The following EDA variants were observed in gnomAD, a reference collection of about 807,000 sequenced individuals.
EDA encodes ectodysplasin-A.
In EDA, 2 loss-of-function variants were observed where a neutral mutation model predicts 23.6. The ratio of observed to expected loss-of-function variants is 0.08; its 90% CI spans 0.03 to 0.27. The LOEUF is 0.27. Among genes scored for constraint, EDA ranks in the 10% least tolerant of loss-of-function variants. The probability of loss-of-function intolerance (pLI) is 1.00; values close to 1 mark genes in which losing one functional copy is unlikely to be tolerated. For synonymous variants in EDA, 131 were observed against 132.0 expected (o/e 0.99, Z 0.05); for missense variants, 229 against 324.2 (o/e 0.71, Z 2.26).
chrX:69,984,043 G>A (rs1310341392), intron 2 of EDA, among the ~76,000 whole-genome samples: 2 of 92,121 alleles, frequency 2.2e-5, no homozygotes, highest in South Asian at 6.1e-4. Context: ...CGAAATGAAG[G>A]CAGACATAAA....
intron 1 of EDA, among the ~76,000 whole-genome samples, chrX:69,749,014 T>C (rs1274898987): frequency 9.8e-6 from 1 of 102,236 alleles, no homozygotes; most frequent in Non-Finnish European, 2.0e-5. Context: ...TGTATACATG[T>C]GCCATGCTGG....
chrX:69,869,207 G>T (rs2017529488), intron 1 of EDA, among the ~76,000 whole-genome samples: 1 of 111,035 alleles, frequency 9.0e-6, no homozygotes, highest in African/African-American at 3.3e-5. Context: ...ATGCATTCTG[G>T]CACTGAGGAA....
At chrX:69,805,934 T>C (rs892664849) in intron 1 of EDA, among the ~76,000 whole-genome samples, 2 of 112,027 alleles carry the variant, frequency 1.8e-5, no homozygotes, top group Admixed American at 9.5e-5. Context: ...ATTTAGGTTA[T>C]AGCATGTCTG....
At chrX:69,689,215 TTTA>T (rs1934632412) in intron 1 of EDA, among the ~76,000 whole-genome samples, 1 of 110,569 alleles carries the variant, frequency 9.0e-6, no homozygotes, top group Non-Finnish European at 1.9e-5. Context: ...CTTCTTTTTT[TTTA>T]TTTATTATTA....
intron 2 of EDA, among the ~76,000 whole-genome samples, chrX:69,971,707 T>A (rs901292763): frequency 9.0e-5 from 10 of 110,860 alleles, no homozygotes; most frequent in African/African-American, 1.3e-4. Context: ...TACTTATAAT[T>A]TCTAGGCCTT....
At chrX:70,019,555 A>G (rs1257483944) in intron 2 of EDA, among the ~76,000 whole-genome samples, 1 of 111,581 alleles carries the variant, frequency 9.0e-6, no homozygotes, top group Non-Finnish European at 1.9e-5. Context: ...ATGGAATAAT[A>G]TGCAGCCATA....
chrX:69,969,827 AG>A (rs2019224093), intron 2 of EDA, among the ~76,000 whole-genome samples: 1 of 111,701 alleles, frequency 9.0e-6, no homozygotes, highest in Non-Finnish European at 1.9e-5. Context: ...GAACAAGGCC[AG>A]GTGTGGTGGC....
At chrX:69,628,297 G>A (rs1007568467) in intron 1 of EDA, among the ~76,000 whole-genome samples, 1 of 111,571 alleles carries the variant, frequency 9.0e-6, no homozygotes, top group Non-Finnish European at 1.9e-5. Context: ...TAGTCTAAAT[G>A]TTGGGGAAAC....
chrX:69,805,104 G>T (rs1405472335), intron 1 of EDA, among the ~76,000 whole-genome samples: 1 of 111,433 alleles, frequency 9.0e-6, no homozygotes, highest in Non-Finnish European at 1.9e-5. Context: ...TTCTGGGAGT[G>T]CTTAGAGGTG....
At chrX:70,029,464 A>G in intron 4 of EDA, 40 bp from the exon 5 acceptor site, 1 of 1,208,275 alleles carries the variant, frequency 8.3e-7, no homozygotes, top group Non-Finnish European at 1.1e-6. Flanking sequence ...AAAGGAAGTC[A>G]AAAGATTATG....
At chrX:69,708,549 A>G (rs2011831415) in intron 1 of EDA, among the ~76,000 whole-genome samples, 1 of 111,456 alleles carries the variant, frequency 9.0e-6, no homozygotes, top group Non-Finnish European at 1.9e-5. Flanking sequence ...TATAAAGTGA[A>G]TGAAGCTTAA....
At chrX:69,745,577 GAA>G (rs112984691) in intron 1 of EDA, among the ~76,000 whole-genome samples, 1,811 of 111,819 alleles carry the variant, frequency 0.016, 41 homozygotes, top group African/African-American at 0.056. Flanking sequence ...TGCTCGTTAA[GAA>G]AAAAGAGACC....
intron 1 of EDA, among the ~76,000 whole-genome samples, chrX:69,841,721 G>A (rs2016899500): frequency 9.0e-6 from 1 of 111,459 alleles, no homozygotes; most frequent in African/African-American, 3.3e-5. Flanking sequence ...AAATAGTAAG[G>A]GACCTAAGTT....
In EDA at chrX:69,752,137, A is replaced by G. The variant is rs555058784; in HGVS notation, c.396+135433A>G. On this transcript the variant is annotated intron_variant, in intron 1 of 7. Transcript: ENST00000374552. Reference sequence around the variant, plus strand: ...TGTTGAATAGGAGTGGTGAGAGAGGACATCCCTGTCTTGTGCCAGTTTTCA... The same window carrying G: ...TGTTGAATAGGAGTGGTGAGAGAGGGCATCCCTGTCTTGTGCCAGTTTTCA... Among the ~76,000 whole-genome samples the G allele has an allele frequency of 2.4e-4, 27 of 111,072 alleles. No homozygotes were observed. The South Asian group carries it at 6.6e-3, about 27-fold the overall frequency.
At chrX:69,833,985 A>G (rs1190752694) in intron 1 of EDA, among the ~76,000 whole-genome samples, 1 of 80,910 alleles carries the variant, frequency 1.2e-5, no homozygotes, top group Non-Finnish European at 2.2e-5. Flanking sequence ...CCAGTGTGTG[A>G]TGTTCCCCAC....
chrX:69,755,565 G>T (rs999479847), intron 1 of EDA, among the ~76,000 whole-genome samples: 2 of 111,770 alleles, frequency 1.8e-5, no homozygotes, highest in African/African-American at 6.5e-5. Context: ...ACTCCATGTT[G>T]GGAGAACCAC....
At chrX:69,965,837 A>G (rs2019164883) in intron 2 of EDA, among the ~76,000 whole-genome samples, 1 of 112,341 alleles carries the variant, frequency 8.9e-6, no homozygotes, top group Admixed American at 9.4e-5. Context: ...GCTTGAGGCC[A>G]GGAGTTTGAA....
chrX:69,969,913 G>A (rs942489886), intron 2 of EDA, among the ~76,000 whole-genome samples: 2 of 110,901 alleles, frequency 1.8e-5, no homozygotes, highest in African/African-American at 6.6e-5. Context: ...GAGACCAGCC[G>A]GGGAACATAG....
chrX:69,823,897 G>A (rs370075624), intron 1 of EDA, among the ~76,000 whole-genome samples: 3 of 85,857 alleles, frequency 3.5e-5, no homozygotes, highest in African/African-American at 1.4e-4. Flanking sequence ...AAGGGATCCA[G>A]TTTCAGCTTT....
Sources: allele counts gnomAD v4.1 joint callset (sites outside exome capture counted in the v4.1 genomes callset), GRCh38; gene constraint gnomAD v4.1.1; transcripts MANE v1.5; gene names NCBI Gene and HGNC (gene_info 2026-07-23, HGNC 2026-07-21).